The following TRMT10A variants were observed in gnomAD, a reference collection of about 807,000 sequenced individuals.
The protein encoded by TRMT10A is tRNA methyltransferase 10 homolog A.
In TRMT10A, 37 loss-of-function variants were observed where a neutral mutation model predicts 40.4. The observed-to-expected ratio is 0.92, with a 90% CI of 0.71 to 1.21. The LOEUF is 1.21. TRMT10A is among the 50% of genes most tolerant of loss of function. TRMT10A has a pLI of 0.00. For missense variants in TRMT10A, 388 were observed against 404.3 expected (o/e 0.96, Z 0.35); for synonymous variants, 103 against 134.1 (o/e 0.77, Z 1.60).
chr4:99,549,102 AGTTCACT>A lies in TRMT10A; in HGVS notation c.999_1005del (p.Val334LeufsTer17). On this transcript the variant is annotated frameshift_variant, in exon 8 of 8. Transcript: ENST00000394876. LOFTEE classifies it high-confidence loss of function. Reference sequence around the variant, plus strand: ...ACCAGGTAACATTAGTGTGGCAGAGAGTTCACTGTAGATTCAGTGTGATTTTCCTTAT... The same window carrying A: ...ACCAGGTAACATTAGTGTGGCAGAGAGTAGATTCAGTGTGATTTTCCTTAT... 1 of 1,613,898 alleles carries A rather than the reference AGTTCACT, an allele frequency of 6.2e-7. No individual in the cohort carries two copies. Among genetic ancestry groups the A allele is most frequent in the Non-Finnish European group, 8.5e-7 (1 of 1,179,802 alleles).
intron 1 of TRMT10A, among the ~76,000 whole-genome samples, chr4:99,560,113 A>T (rs1404644144): frequency 1.3e-5 from 2 of 152,114 alleles, no homozygotes; most frequent in Non-Finnish European, 1.5e-5. Flanking sequence ...ACAAAAAGAC[A>T]GAACTGATTT....
intron 1 of TRMT10A, among the ~76,000 whole-genome samples, chr4:99,563,197 C>G (rs1201225444): frequency 6.6e-6 from 1 of 152,184 alleles, no homozygotes; most frequent in African/African-American, 2.4e-5. Context: ...GTTGTCAAGC[C>G]TTTTGGGCAG....
At position 99,549,190 on chromosome 4, in the gene TRMT10A, G is replaced by A. The variant is rs775618215; in HGVS notation, c.918C>T (p.Ser306=). 1.9e-6 allele frequency: 3 copies of A among 1,613,980 alleles called. No individual in the cohort carries two copies. In the East Asian group the frequency reaches 6.7e-5, roughly 36 times the overall value. ...RMEEGGSDSD[S]SEEEYSRNEL... is the part of the protein sequence containing the mutation. Reference sequence around the variant, plus strand: ...CATTTCTGCTATATTCCTCCTCACTGGAATCACTGTCCGATCCACCTTCCT... The same window carrying A: ...CATTTCTGCTATATTCCTCCTCACTAGAATCACTGTCCGATCCACCTTCCT... Residue 306 remains serine, a synonymous_variant, in exon 8 of 8, where the codon TCC becomes TCT. Transcript: ENST00000394876.
intron 1 of TRMT10A, among the ~76,000 whole-genome samples, chr4:99,562,064 G>A (rs1268458436): frequency 6.6e-6 from 1 of 151,616 alleles, no homozygotes; most frequent in Non-Finnish European, 1.5e-5. Context: ...CCAGCTACTC[G>A]GGAGGCTGAG....
chr4:99,550,987 G>C lies in TRMT10A; in HGVS notation c.649C>G (p.Leu217Val). The C allele has an allele frequency of 6.2e-7, 1 of 1,607,896 alleles. No homozygotes were observed. Among genetic ancestry groups the C allele is most frequent in the Non-Finnish European group, 8.5e-7 (1 of 1,176,750 alleles). The change falls in exon 7 of 8, where the codon CTC becomes GTC. Residue 217 changes from leucine to valine, a missense_variant. Transcript: ENST00000394876. The stretch of plus-strand genomic sequence containing the variant: ...TAATCTGACGCTTGTTTATATGTGA[G>C]TCCCTAAAACAAAGACACTATGACT... ...GLVDHNHHKG[L>V]TYKQASDYGI...
chr4:99,554,273 A>G (rs758319612), intron 5 of TRMT10A, among the ~76,000 whole-genome samples: 33 of 152,152 alleles, frequency 2.2e-4, no homozygotes, highest in Non-Finnish European at 2.9e-4. Context: ...TTAATTTAAA[A>G]ACTCTTTCCT....
In TRMT10A at chr4:99,550,885, C is replaced by G. The variant is rs1416116094; in HGVS notation, c.751G>C (p.Val251Leu). ...NSRKVLAVNH[V>L]FEIILEYLET... ...TTTCAGTTTATCCCTTACAGCTTACCATGATTAACTGCCAAAACTTTTCGA... is the reference window on the plus strand; with the variant it reads ...TTTCAGTTTATCCCTTACAGCTTACGATGATTAACTGCCAAAACTTTTCGA... Residue 251 changes from valine to leucine, a missense_variant and splice_region_variant, in exon 7 of 8, where the codon GTG becomes CTG. Physicochemically the swap from Val to Leu is conservative, Grantham distance 32 (BLOSUM62 1). Transcript: ENST00000394876. 1.2e-6 allele frequency: 2 copies of G among 1,608,896 alleles called. No homozygotes were observed. The highest frequency in any genetic ancestry group is 1.7e-6 in the Non-Finnish European group (2 of 1,176,162).
At chr4:99,563,743 AT>A (rs754712409) in intron 1 of TRMT10A, 169 bp downstream of exon 1, 83 of 415,100 alleles carry the variant, frequency 2.0e-4, no homozygotes, top group African/African-American at 5.3e-4. Context: ...GGCGCCTGTC[AT>A]CGACGTCATT....
At chr4:99,562,812 A>T (rs1724489790) in intron 1 of TRMT10A, among the ~76,000 whole-genome samples, 1 of 149,994 alleles carries the variant, frequency 6.7e-6, no homozygotes, top group African/African-American at 2.5e-5. Flanking sequence ...GGCATGAGCC[A>T]CTGCGCCCGG....
At chr4:99,562,321 G>T (rs1724446987) in intron 1 of TRMT10A, among the ~76,000 whole-genome samples, 1 of 150,358 alleles carries the variant, frequency 6.7e-6, no homozygotes. Flanking sequence ...CACTTTGTAA[G>T]GCAAGGACAC....
At chr4:99,556,475 T>A (rs1407860490) in intron 4 of TRMT10A, among the ~76,000 whole-genome samples, 2 of 152,168 alleles carry the variant, frequency 1.3e-5, no homozygotes, top group Non-Finnish European at 2.9e-5. Flanking sequence ...AGTTATAACA[T>A]GCCTGTACCT....
At chr4:99,556,085 G>GT in intron 5 of TRMT10A, 61 bp downstream of exon 5, 1 of 1,481,726 alleles carries the variant, frequency 6.7e-7, no homozygotes, top group Non-Finnish European at 9.3e-7. Flanking sequence ...GGTACAAAAT[G>GT]TAGACCTTTA....
At chr4:99,554,037 A>T (rs13151234) in intron 5 of TRMT10A, 103 bp from the exon 6 acceptor site, 55,617 of 1,205,906 alleles carry the variant, frequency 0.046, 1,984 homozygotes, top group African/African-American at 0.16. Context: ...TCAAAAATAT[A>T]TGAAACAAAG....
Position 99,553,772 on chromosome 4 carries a change from A to T in TRMT10A, c.645+13T>A. 1.9e-6 allele frequency: 3 copies of T among 1,580,302 alleles called. No homozygotes were observed. Among genetic ancestry groups the T allele is most frequent in the Non-Finnish European group, 2.6e-6 (3 of 1,169,318 alleles). ...AAGAACAAGCAAAAGCAAAAATAAA[A>T]ATTTAATAGTACCTTGTGATGGTTG... On this transcript the variant is annotated intron_variant, in intron 6 of 7. Transcript: ENST00000394876.
In TRMT10A at chr4:99,556,144, A is replaced by G. The variant is rs1358214886; in HGVS notation, c.495+2T>C. On this transcript the variant is annotated splice_donor_variant, in intron 5 of 7. Coordinates refer to ENST00000394876, the MANE Select transcript of TRMT10A (RefSeq NM_001134665.3). LOFTEE classifies it high-confidence loss of function. ...ATGTGAGAGTTTATCTGTTTTAATTACCTTCCAGTTGACCCATCCTTTGTC... is the reference window on the plus strand; with the variant it reads ...ATGTGAGAGTTTATCTGTTTTAATTGCCTTCCAGTTGACCCATCCTTTGTC... 6.2e-7 allele frequency: 1 copy of G among 1,613,130 alleles called. No homozygotes were observed.
At chr4:99,549,898 C>T (rs1319731895) in intron 7 of TRMT10A, among the ~76,000 whole-genome samples, 6 of 152,134 alleles carry the variant, frequency 3.9e-5, no homozygotes, top group Non-Finnish European at 1.5e-5. Context: ...TACTATATAT[C>T]AAAGGTTTTA....
At chr4:99,559,123 G>C in intron 2 of TRMT10A, 31 bp downstream of exon 2, 1 of 1,589,176 alleles carries the variant, frequency 6.3e-7, no homozygotes, top group Non-Finnish European at 8.6e-7. Flanking sequence ...CTCTAAATAG[G>C]AAGAGAGCAT....
At chr4:99,563,272 C>T (rs925246632) in intron 1 of TRMT10A, 1 of 152,450 alleles carries the variant, frequency 6.6e-6, no homozygotes, top group Admixed American at 6.5e-5. Flanking sequence ...TGTTGCCATC[C>T]TCTTCATATC....
chr4:99,549,151 T>G lies in TRMT10A; in HGVS notation c.957A>C (p.Pro319=), dbSNP rs1398254797. 6.2e-7 allele frequency: 1 copy of G among 1,614,136 alleles called. No individual in the cohort carries two copies. The highest frequency in any genetic ancestry group is 2.2e-5 in the East Asian group (1 of 44,876). The change falls in exon 8 of 8, where the codon CCA becomes CCC. Residue 319 remains proline, a synonymous_variant. Coordinates refer to ENST00000394876, the MANE Select transcript of TRMT10A (RefSeq NM_001134665.3). ...TTTCCTTATCCTGCTTTTCTTCATG[T>G]GGTGAATCTAGTTCATTTCTGCTAT... ...EEYSRNELDS[P]HEEKQDKENH... is the part of the protein sequence containing the mutation.
Sources: gnomAD v4.1 joint callset for allele counts (sites outside exome capture counted in the v4.1 genomes callset) on GRCh38, gnomAD v4.1.1 for gene constraint, MANE v1.5 for transcripts, NCBI Gene and HGNC (gene_info 2026-07-23, HGNC 2026-07-21) for gene names.